CWH43: variants seen among roughly 807,000 people sequenced by gnomAD.
CWH43 encodes the protein PGAP2-interacting protein.
CWH43 carries 91 observed loss-of-function variants against 85.7 expected under a neutral mutation model. The observed-to-expected ratio is 1.06, with a 90% CI of 0.90 to 1.26. CWH43 has a LOEUF of 1.26. CWH43 is among the 50% of genes most tolerant of loss of function. The pLI, the probability that CWH43 is intolerant of heterozygous loss-of-function variation, is 0.00. For missense variants in CWH43, 869 were observed against 839.2 expected (o/e 1.04, Z -0.44); for synonymous variants, 323 against 293.6 (o/e 1.10, Z -1.02).
chr4:49,019,466 G>T (rs910234260), intron 9 of CWH43, among the ~76,000 whole-genome samples: 15 of 152,170 alleles, frequency 9.9e-5, no homozygotes, highest in African/African-American at 3.4e-4. Context: ...AGAAGATGAC[G>T]TGGAGAGGCT....
chr4:49,039,318 T>TG (rs1784366786), intron 13 of CWH43, among the ~76,000 whole-genome samples: 1 of 31,048 alleles, frequency 3.2e-5, no homozygotes, highest in Non-Finnish European at 8.9e-5. Flanking sequence ...TATATATATA[T>TG]ATATATATAT....
chr4:48,994,597 T>A lies in CWH43; in HGVS notation c.512-22T>A, dbSNP rs1412654568. 3.1e-6 allele frequency: 5 copies of A among 1,592,620 alleles called. No individual in the cohort carries two copies. In the South Asian group the frequency reaches 5.6e-5, roughly 18 times the overall value. On this transcript the variant is annotated intron_variant, in intron 4 of 15. Coordinates refer to ENST00000226432, the MANE Select transcript of CWH43 (RefSeq NM_025087.3). ...TTTCCATATAACTAAACTTTTTCCA[T>A]ATATGTATTTTTAAATTCTAGATGG... is the stretch of plus-strand genomic sequence containing the variant.
chr4:49,005,537 C>G (rs954755271), intron 7 of CWH43, among the ~76,000 whole-genome samples: 2 of 148,524 alleles, frequency 1.3e-5, no homozygotes, highest in African/African-American at 5.0e-5. Context: ...GTGAAGGCTT[C>G]TATTAGGGTT....
chr4:49,004,681 C>A (rs1439072415), intron 7 of CWH43, among the ~76,000 whole-genome samples: 2 of 152,178 alleles, frequency 1.3e-5, no homozygotes, highest in East Asian at 3.8e-4. Flanking sequence ...TGAGCCACCA[C>A]ACCTAGACTC....
At chr4:49,018,914 C>G (rs1174041998) in intron 9 of CWH43, among the ~76,000 whole-genome samples, 1 of 152,192 alleles carries the variant, frequency 6.6e-6, no homozygotes, top group Non-Finnish European at 1.5e-5. Context: ...AGTAGACCAT[C>G]ATTACATGCT....
chr4:49,020,938 G>C (rs1402378455), intron 9 of CWH43, among the ~76,000 whole-genome samples: 1 of 151,566 alleles, frequency 6.6e-6, no homozygotes, highest in East Asian at 1.9e-4. Flanking sequence ...TGAATTCCTT[G>C]TAGCTTCTGG....
At chr4:49,031,046 A>G in intron 11 of CWH43, 86 bp downstream of exon 11, 2 of 1,291,888 alleles carry the variant, frequency 1.5e-6, no homozygotes, top group Non-Finnish European at 2.1e-6. Context: ...ATATTGTAAT[A>G]TCTTTGGTGA....
intron 5 of CWH43, among the ~76,000 whole-genome samples, chr4:48,996,449 T>G (rs1462207108): frequency 6.6e-6 from 1 of 152,222 alleles, no homozygotes; most frequent in South Asian, 2.1e-4. Context: ...GGAATGAATG[T>G]TGATTACTTA....
In CWH43 at chr4:48,986,396, G is replaced by T. The variant is rs1482831819; in HGVS notation, c.-34G>T. ...TAGGGCAGCGGGCCCGACCCGCACG[G>T]CTTTCCTGGAAAGCGCTGCCCCTCG... On this transcript the variant is annotated 5_prime_UTR_variant, in exon 1 of 16. Transcript: ENST00000226432. 2.6e-6 allele frequency: 4 copies of T among 1,546,852 alleles called. No individual in the cohort carries two copies. The highest frequency in any genetic ancestry group is 2.7e-5 in the African/African-American group (2 of 73,000).
chr4:49,025,836 G>T (rs1222929469), intron 9 of CWH43, among the ~76,000 whole-genome samples: 1 of 152,174 alleles, frequency 6.6e-6, no homozygotes. Context: ...TCCAGCCAGG[G>T]TGTGGCACTT....
intron 8 of CWH43, among the ~76,000 whole-genome samples, chr4:49,011,344 A>C (rs1230852507): frequency 6.6e-6 from 1 of 151,696 alleles, no homozygotes; most frequent in Non-Finnish European, 1.5e-5. Flanking sequence ...ATCTTCCTCC[A>C]TCCCTTTATT....
chr4:49,048,624 CTTT>C (rs1439272425), intron 14 of CWH43, among the ~76,000 whole-genome samples: 1 of 151,910 alleles, frequency 6.6e-6, no homozygotes, highest in East Asian at 1.9e-4. Context: ...CCCACATGGC[CTTT>C]CCTTGGGTTG....
At position 49,030,900 on chromosome 4, in the gene CWH43, T is replaced by C; in HGVS notation, c.1448T>C (p.Leu483Pro). Residue 483 changes from leucine (L) to proline (P), a missense_variant, in exon 11 of 16, where the codon CTA becomes CCA. Around this residue, in one of 3 missense-constraint regions of CWH43, gnomAD observed 577 missense variants for 513.1 expected, o/e 1.12. Coordinates refer to ENST00000226432, the MANE Select transcript of CWH43 (RefSeq NM_025087.3). Reference protein sequence around the residue: ...YMGNNDLTMWLGEKLGFYTDF... With the variant: ...YMGNNDLTMWPGEKLGFYTDF... ...GGGAACAATGACTTAACCATGTGGC[T>C]AGGGGAAAAGTTGGGTTTCTATACA... 1 of 1,611,250 alleles carries C rather than the reference T, an allele frequency of 6.2e-7. No homozygotes were observed. The highest frequency in any genetic ancestry group is 2.2e-5 in the East Asian group (1 of 44,626).
chr4:49,022,067 G>A (rs1214560378), intron 9 of CWH43, among the ~76,000 whole-genome samples: 1 of 152,002 alleles, frequency 6.6e-6, no homozygotes, highest in Admixed American at 6.6e-5. Context: ...CAATGTGCTG[G>A]CTAGAACTTT....
In CWH43 at chr4:49,016,208, T is replaced by A. The variant is rs546036717; in HGVS notation, c.1187-1041T>A. On this transcript the variant is annotated intron_variant, in intron 8 of 15. Transcript: ENST00000226432. ...CTACACATTTCCCCTTTGCACAAAA[T>A]CATTGGCCAATAAATTCAATAATTT... Among the ~76,000 whole-genome samples the A allele has an allele frequency of 5.9e-5, 9 of 152,306 alleles. No individual in the cohort carries two copies. The East Asian group carries it at 1.7e-3, about 29-fold the overall frequency.
chr4:49,008,139 T>G (rs905582932), intron 8 of CWH43, among the ~76,000 whole-genome samples: 5 of 152,194 alleles, frequency 3.3e-5, no homozygotes, highest in South Asian at 4.1e-4. Context: ...ATCTGTTGTT[T>G]CCTGAGTTTT....
intron 6 of CWH43, among the ~76,000 whole-genome samples, chr4:49,001,212 A>T (rs1311854736): frequency 2.0e-5 from 3 of 152,214 alleles, no homozygotes; most frequent in East Asian, 1.9e-4. Context: ...TTTTAAAAAA[A>T]GTCTAGATAT....
chr4:49,041,509 G>T (rs182551446), intron 13 of CWH43, among the ~76,000 whole-genome samples: 1 of 152,290 alleles, frequency 6.6e-6, no homozygotes, highest in African/African-American at 2.4e-5. Context: ...TGAAGCAATT[G>T]TGAATGGGAG....
At chr4:49,022,677 C>T (rs1224836686) in intron 9 of CWH43, among the ~76,000 whole-genome samples, 1 of 152,072 alleles carries the variant, frequency 6.6e-6, no homozygotes. Flanking sequence ...CTGTCTGTTC[C>T]TGGACTTTTT....
Sources: gnomAD v4.1 joint callset for allele counts (sites outside exome capture counted in the v4.1 genomes callset) on GRCh38, gnomAD v4.1.1 for gene constraint, gnomAD v4.1.1 regional missense constraint, MANE v1.5 for transcripts, NCBI Gene and HGNC (gene_info 2026-07-23, HGNC 2026-07-21) for gene names.